The following ASIP variants were observed in gnomAD, a reference collection of about 807,000 sequenced individuals.
ASIP encodes the protein agouti-signaling protein.
A neutral mutation model predicts 10.3 loss-of-function variants in ASIP; 11 were observed. The observed-to-expected ratio is 1.07, with a 90% CI of 0.68 to 1.78. The LOEUF (loss-of-function observed/expected upper bound fraction) is 1.78. ASIP is among the 40% of genes most tolerant of loss of function. The pLI, the probability that ASIP is intolerant of heterozygous loss-of-function variation, is 0.00. For missense variants in ASIP, 180 were observed against 169.2 expected (o/e 1.06, Z -0.35); for synonymous variants, 70 against 70.8 (o/e 0.99, Z 0.06).
chr20:34,200,126 TATAAAA>T (rs2034883195), intron 1 of ASIP, among the ~76,000 whole-genome samples: 1 of 152,236 alleles, frequency 6.6e-6, no homozygotes, highest in African/African-American at 2.4e-5. Context: ...TTTATACAGT[TATAAAA>T]ATAAAGATTT....
At chr20:34,251,938 T>C (rs901965628) in intron 1 of ASIP, among the ~76,000 whole-genome samples, 1 of 152,238 alleles carries the variant, frequency 6.6e-6, no homozygotes, top group Non-Finnish European at 1.5e-5. Flanking sequence ...AAATTTCCGT[T>C]GTTTAGAAAC....
intron 1 of ASIP, among the ~76,000 whole-genome samples, chr20:34,236,120 A>C (rs2035206621): frequency 6.7e-6 from 1 of 148,226 alleles, no homozygotes; most frequent in South Asian, 2.2e-4. Context: ...AAAGGAAAGG[A>C]GTGGAAAGGA....
rs367864063 is a variant in ASIP, at chr20:34,211,756, T to C, written c.-11+16996T>C. Among the ~76,000 whole-genome samples, 116 of 152,350 alleles carry C rather than the reference T, an allele frequency of 7.6e-4. 2 individuals are homozygous for C. The South Asian group carries it at 0.011, about 15-fold the overall frequency. On this transcript the variant is annotated intron_variant, in intron 1 of 3. Coordinates refer to the ASIP transcript ENST00000568305. ...AGTTATGTTGTTTCCTTTGAGAAATTAGCAGTCAGTCTTACTTTTTGATCT... is the reference window on the plus strand; with the variant it reads ...AGTTATGTTGTTTCCTTTGAGAAATCAGCAGTCAGTCTTACTTTTTGATCT...
chr20:34,268,905 C>G (rs1266833961), intron 3 of ASIP, 86 bp from the exon 4 acceptor site: 116 of 1,513,614 alleles, frequency 7.7e-5, no homozygotes, highest in Non-Finnish European at 8.9e-6. Flanking sequence ...TCCGGGATCT[C>G]CCTAGCCCGA....
rs1184151991 is a variant in ASIP, at chr20:34,196,557, TAA to T, written c.-11+1802_-11+1803del. Among the ~76,000 whole-genome samples the T allele has an allele frequency of 2.6e-5, 4 of 151,980 alleles. No individual in the cohort carries two copies. The East Asian group carries it at 7.7e-4, about 29-fold the overall frequency. On this transcript the variant is annotated intron_variant, in intron 1 of 3. Coordinates refer to the ASIP transcript ENST00000568305. ...TGCGGGCGGGACGTCATCTTTGAAATAAAAAAGAGTACGATTCATAGGGGAAA... is the reference window on the plus strand; with the variant it reads ...TGCGGGCGGGACGTCATCTTTGAAATAAAAGAGTACGATTCATAGGGGAAA...
upstream of ASIP, among the ~76,000 whole-genome samples, chr20:34,192,024 C>A (rs966837651): frequency 6.6e-6 from 1 of 152,078 alleles, no homozygotes. Flanking sequence ...AGCCACTGTG[C>A]CTGGCCTGAT....
the ASIP span, among the ~76,000 whole-genome samples, chr20:34,186,792 A>C: frequency 6.6e-6 from 1 of 151,768 alleles, no homozygotes; most frequent in Non-Finnish European, 1.5e-5. Context: ...CTTTGGCAGC[A>C]GTAGGTTGTT....
At chr20:34,250,380 A>T (rs1015815439) in intron 1 of ASIP, among the ~76,000 whole-genome samples, 4 of 152,260 alleles carry the variant, frequency 2.6e-5, no homozygotes, top group Admixed American at 2.0e-4. Context: ...AATAAAAATT[A>T]AAAGGGGAGC....
chr20:34,245,191 G>A (rs1251956353), intron 1 of ASIP, among the ~76,000 whole-genome samples: 1 of 151,362 alleles, frequency 6.6e-6, no homozygotes, highest in Non-Finnish European at 1.5e-5. Flanking sequence ...AAAATTAGCT[G>A]GGCGTGGTGG....
At chr20:34,206,861 A>G (rs1459679408) in intron 1 of ASIP, among the ~76,000 whole-genome samples, 2 of 152,172 alleles carry the variant, frequency 1.3e-5, no homozygotes, top group Non-Finnish European at 2.9e-5. Flanking sequence ...ATTAGCCACC[A>G]TGCCTGGCCC....
At chr20:34,233,657 A>G (rs1244770801) in intron 1 of ASIP, among the ~76,000 whole-genome samples, 1 of 152,180 alleles carries the variant, frequency 6.6e-6, no homozygotes, top group Non-Finnish European at 1.5e-5. Flanking sequence ...AAGATAATGA[A>G]TTGGCTACCA....
rs1555826879 is a variant in ASIP at position 34,258,700 on chromosome 20, A to ATATATACACACATAC, written c.-10-1659_-10-1658insCACACATACTATATA. Among the ~76,000 whole-genome samples the ATATATACACACATAC allele has an allele frequency of 1.9e-4, 15 of 77,918 alleles. 3 individuals carry two copies. The highest frequency in any genetic ancestry group is 3.6e-4 in the Non-Finnish European group (15 of 41,382). The allele number at this position is 77,918 out of a possible 152,430, so 51.1% of individuals were successfully genotyped here. A position where few individuals can be genotyped will look rare whatever the true frequency, so the allele number is the denominator to read the frequency against. On this transcript the variant is annotated intron_variant, in intron 1 of 3. Coordinates refer to ENST00000374954, the MANE Select transcript of ASIP (RefSeq NM_001672.3). Reference sequence around the variant, plus strand: ...ATATATATATATATATACATACTATATATATATATTATATATATTATAAAA... The same window carrying ATATATACACACATAC: ...ATATATATATATATATACATACTATATATATACACACATACTATATATATTATATATATTATAAAA...
chr20:34,200,335 T>G (rs6088423), intron 1 of ASIP, among the ~76,000 whole-genome samples: 38,290 of 152,122 alleles, frequency 0.25, 8,798 homozygotes, highest in African/African-American at 0.62. Flanking sequence ...TACTTTATTC[T>G]GCCGATTAAG....
intron 1 of ASIP, among the ~76,000 whole-genome samples, chr20:34,258,776 ATAG>A (rs2035632688): frequency 1.0e-5 from 1 of 99,084 alleles, no homozygotes; most frequent in African/African-American, 4.1e-5. Flanking sequence ...TATAATATAT[ATAG>A]TATATATATA....
At chr20:34,187,579 T>C in the ASIP span, among the ~76,000 whole-genome samples, 2 of 152,254 alleles carry the variant, frequency 1.3e-5, no homozygotes, top group African/African-American at 4.8e-5. Context: ...AAACTGTCTT[T>C]GAGAGACTCA....
chr20:34,266,213 G>GCA (rs1568773487), intron 3 of ASIP, among the ~76,000 whole-genome samples: 14 of 151,754 alleles, frequency 9.2e-5, no homozygotes, highest in Admixed American at 8.5e-4. Context: ...TTAGCCGGAG[G>GCA]TGGTGGCGGG....
chr20:34,216,418 T>G (rs1003173698), intron 1 of ASIP, among the ~76,000 whole-genome samples: 1 of 152,238 alleles, frequency 6.6e-6, no homozygotes, highest in African/African-American at 2.4e-5. Context: ...AATGGCGTCT[T>G]ATGATAAGCA....
chr20:34,213,848 G>T (rs1427619025), intron 1 of ASIP: 1 of 1,542,032 alleles, frequency 6.5e-7, no homozygotes, highest in East Asian at 2.2e-5. Flanking sequence ...CAGCCACACT[G>T]TTTCACAGTC....
intron 1 of ASIP, among the ~76,000 whole-genome samples, chr20:34,200,077 C>T (rs1044391550): frequency 6.6e-6 from 1 of 152,146 alleles, no homozygotes; most frequent in Non-Finnish European, 1.5e-5. Flanking sequence ...AATGTTCAAG[C>T]TTTTCTTTTA....
Sources: gnomAD v4.1 joint callset for allele counts (sites outside exome capture counted in the v4.1 genomes callset) on GRCh38, gnomAD v4.1.1 for gene constraint, MANE v1.5 for transcripts, NCBI Gene and HGNC (gene_info 2026-07-23, HGNC 2026-07-21) for gene names.